The following ZKSCAN1 variants were observed in gnomAD, a reference collection of about 807,000 sequenced individuals.
ZKSCAN1 encodes the protein zinc finger with KRAB and SCAN domains 1, also known as zinc finger protein with KRAB and SCAN domains 1.
A neutral mutation model predicts 51.6 loss-of-function variants in ZKSCAN1; 14 were observed. That is an observed-to-expected ratio of 0.27 (90% CI 0.18 to 0.42). The LOEUF is 0.42. Among genes scored for constraint, ZKSCAN1 ranks in the 10% least tolerant of loss-of-function variants. The pLI, the probability that ZKSCAN1 is intolerant of heterozygous loss-of-function variation, is 1.00. For missense variants in ZKSCAN1, 531 were observed against 710.0 expected (o/e 0.75, Z 2.86); for synonymous variants, 263 against 261.5 (o/e 1.01, Z -0.06).
intron 3 of ZKSCAN1, among the ~76,000 whole-genome samples, chr7:100,026,582 C>T (rs892074992): frequency 3.9e-5 from 6 of 151,960 alleles, no homozygotes; most frequent in Non-Finnish European, 7.4e-5. Context: ...AAAAATTAGC[C>T]AGGCGTGGTG....
downstream of ZKSCAN1, among the ~76,000 whole-genome samples, chr7:100,043,564 G>A (rs1012921254): frequency 5.3e-5 from 8 of 151,248 alleles, no homozygotes; most frequent in African/African-American, 1.9e-4. Context: ...TGCAGAGACA[G>A]GGTCTTGCTA....
In ZKSCAN1 at chr7:100,036,052, T is replaced by A; in HGVS notation, c.*1855T>A. 3.0e-6 allele frequency: 3 copies of A among 985,426 alleles called. No individual in the cohort carries two copies. Among genetic ancestry groups the A allele is most frequent in the Non-Finnish European group, 3.6e-6 (3 of 829,922 alleles). 61.0% of individuals were successfully genotyped at this position (985,426 alleles called of 1,614,324 possible). On this transcript the variant is annotated 3_prime_UTR_variant, in exon 6 of 6. Coordinates refer to ENST00000324306, the MANE Select transcript of ZKSCAN1 (RefSeq NM_003439.4). ...TTATACTAAAACTATTACTCATCAG[T>A]CATTCACTGATCAGCAGCTAAAGTC...
chr7:100,028,783 A>G (rs1425998094), intron 3 of ZKSCAN1, among the ~76,000 whole-genome samples: 1 of 144,754 alleles, frequency 6.9e-6, no homozygotes, highest in Non-Finnish European at 1.5e-5. Context: ...TGAACCATGC[A>G]TACATCTTAT....
Position 100,023,678 on chromosome 7 carries a change from C to G in ZKSCAN1, c.172C>G (p.Arg58Gly). 6.2e-7 allele frequency: 1 copy of G among 1,614,188 alleles called. No individual in the cohort carries two copies. Among genetic ancestry groups the G allele is most frequent in the Middle Eastern group, 1.7e-4 (1 of 6,036 alleles). ...PPPDPEIFRQ[R>G]FRRFCYQNTF... is the part of the protein sequence containing the mutation. The stretch of plus-strand genomic sequence containing the variant: ...TCCAGACCCAGAGATATTCCGCCAA[C>G]GCTTCAGGCGCTTCTGTTACCAGAA... The change falls in exon 2 of 6, where the codon CGC (arginine) becomes GGC (glycine). Residue 58 changes from arginine (R) to glycine (G), a missense_variant. By Grantham distance (125) the Arg-to-Gly change is moderately radical. Around this residue, in one of 2 missense-constraint regions of ZKSCAN1, gnomAD observed 403 missense variants for 490.5 expected, o/e 0.82. Transcript: ENST00000324306.
chr7:100,037,995 T>C lies in ZKSCAN1; in HGVS notation c.*3798T>C. 2.0e-6 allele frequency: 2 copies of C among 983,078 alleles called. No homozygotes were observed. Among genetic ancestry groups the C allele is most frequent in the Non-Finnish European group, 2.4e-6 (2 of 827,928 alleles). The allele number at this position is 983,078 out of a possible 1,614,324, so 60.9% of individuals were successfully genotyped here. A position where few individuals can be genotyped will look rare whatever the true frequency, so the allele number is the denominator to read the frequency against. On this transcript the variant is annotated 3_prime_UTR_variant, in exon 6 of 6. Transcript: ENST00000324306. The stretch of plus-strand genomic sequence containing the variant: ...AGATCATGCCACTGGCACTCCAGCC[T>C]TGAGTGACAGAGCGAGGCTCTGTAT...
chr7:100,025,448 TATAA>T (rs2115868364), intron 3 of ZKSCAN1, among the ~76,000 whole-genome samples: 1 of 152,232 alleles, frequency 6.6e-6, no homozygotes, highest in South Asian at 2.1e-4. Context: ...TTCACAGTCA[TATAA>T]ATAAAAAGTC....
chr7:100,026,389 G>C (rs1488059850), intron 3 of ZKSCAN1, among the ~76,000 whole-genome samples: 1 of 152,034 alleles, frequency 6.6e-6, no homozygotes, highest in Non-Finnish European at 1.5e-5. Flanking sequence ...TAGAAACACT[G>C]TACACTTAGG....
chr7:100,029,886 A>G lies in ZKSCAN1; in HGVS notation c.606A>G (p.Ala202=), dbSNP rs1791030720. The G allele has an allele frequency of 1.9e-6, 3 of 1,613,788 alleles. No individual in the cohort carries two copies. The highest frequency in any genetic ancestry group is 2.5e-6 in the Non-Finnish European group (3 of 1,179,926). Reference sequence around the variant, plus strand: ...CTCTTCCTGCTGCCCACATTCCTGCACCCCCTCATGAGGGTAGTCCCAGAG... The same window carrying G: ...CTCTTCCTGCTGCCCACATTCCTGCGCCCCCTCATGAGGGTAGTCCCAGAG... ...SRALPAAHIP[A]PPHEGSPRDQ... The change falls in exon 4 of 6, where the codon GCA becomes GCG. Residue 202 remains alanine, a synonymous_variant. Coordinates refer to ENST00000324306, the MANE Select transcript of ZKSCAN1 (RefSeq NM_003439.4).
In ZKSCAN1 at chr7:100,040,156, T is replaced by A; in HGVS notation, c.*5959T>A. Reference sequence around the variant, plus strand: ...CAACTCTGCAGGTCAAACGAAAGTTTGGGAAATACTTTTGACATCCCACAA... The same window carrying A: ...CAACTCTGCAGGTCAAACGAAAGTTAGGGAAATACTTTTGACATCCCACAA... On this transcript the variant is annotated 3_prime_UTR_variant, in exon 6 of 6. Coordinates refer to ENST00000324306, the MANE Select transcript of ZKSCAN1 (RefSeq NM_003439.4). 1 of 985,352 alleles carries A rather than the reference T, an allele frequency of 1.0e-6. No homozygotes were observed. The highest frequency in any genetic ancestry group is 1.2e-6 in the Non-Finnish European group (1 of 829,844). The allele number at this position is 985,352 out of a possible 1,614,324, so 61.0% of individuals were successfully genotyped here. A position where few individuals can be genotyped will look rare whatever the true frequency, so the allele number is the denominator to read the frequency against.
At position 100,028,788 on chromosome 7, in the gene ZKSCAN1, T is replaced by G. The variant is rs1488847272; in HGVS notation, c.581-1073T>G. ...TCTCAGCATTTGAACCATGCATACATCTTATCAAAAAAAAAAAAAAAAAAC... is the reference window on the plus strand; with the variant it reads ...TCTCAGCATTTGAACCATGCATACAGCTTATCAAAAAAAAAAAAAAAAAAC... On this transcript the variant is annotated intron_variant, in intron 3 of 5. Coordinates refer to ENST00000324306, the MANE Select transcript of ZKSCAN1 (RefSeq NM_003439.4). Among the ~76,000 whole-genome samples, 77 of 130,646 alleles carry G rather than the reference T, an allele frequency of 5.9e-4. 1 individual carries two copies. Among genetic ancestry groups the G allele is most frequent in the Non-Finnish European group, 3.2e-5 (2 of 62,128 alleles). 85.7% of individuals were successfully genotyped at this position (130,646 alleles called of 152,430 possible).
downstream of ZKSCAN1, chr7:100,044,844 G>T: frequency 1.0e-6 from 1 of 985,270 alleles, no homozygotes; most frequent in Non-Finnish European, 1.2e-6. Context: ...GAAGAAAAAG[G>T]ACATGTTCGG....
rs758248685 is a variant in ZKSCAN1 at position 100,034,621 on chromosome 7, C to A, written c.*424C>A. The A allele has an allele frequency of 8.4e-6, 8 of 954,420 alleles. No homozygotes were observed. Among genetic ancestry groups the A allele is most frequent in the Non-Finnish European group, 1.0e-5 (8 of 799,430 alleles). 59.1% of individuals were successfully genotyped at this position (954,420 alleles called of 1,614,324 possible). On this transcript the variant is annotated 3_prime_UTR_variant, in exon 6 of 6. Transcript: ENST00000324306. The stretch of plus-strand genomic sequence containing the variant: ...AAACAAGCCCTACTTTGGCCAACAT[C>A]CTGCTTATTTCTCAAAAAAGAGGGA...
intron 3 of ZKSCAN1, among the ~76,000 whole-genome samples, chr7:100,026,280 C>A (rs1281082370): frequency 6.8e-6 from 1 of 147,092 alleles, no homozygotes; most frequent in African/African-American, 2.5e-5. Context: ...AACACTTAAC[C>A]ATGACTGGAG....
In ZKSCAN1 at chr7:100,036,917, T is replaced by C; in HGVS notation, c.*2720T>C. On this transcript the variant is annotated 3_prime_UTR_variant, in exon 6 of 6. Transcript: ENST00000324306. ...GTTTTGTTTTTAAATGAAGGTTAAA[T>C]GTGACCTGTGCCCTCACATTTAATT... 1 of 985,182 alleles carries C rather than the reference T, an allele frequency of 1.0e-6. No homozygotes were observed. The highest frequency in any genetic ancestry group is 1.7e-5 in the African/African-American group (1 of 57,298). The allele number at this position is 985,182 out of a possible 1,614,324, so 61.0% of individuals were successfully genotyped here.
chr7:100,023,203 G>T (rs1388784732), intron 1 of ZKSCAN1, among the ~76,000 whole-genome samples: 2 of 152,034 alleles, frequency 1.3e-5, no homozygotes, highest in Non-Finnish European at 2.9e-5. Context: ...TAGAGACGGG[G>T]TTTCACCATG....
chr7:100,037,138 G>A lies in ZKSCAN1; in HGVS notation c.*2941G>A. On this transcript the variant is annotated 3_prime_UTR_variant, in exon 6 of 6. Transcript: ENST00000324306. ...TCAGTGCAAAGTGTAATTGGGTCAT[G>A]GTCAAAAACGCTTGCAACATCTAAT... is the stretch of plus-strand genomic sequence containing the variant. 1 of 985,430 alleles carries A rather than the reference G, an allele frequency of 1.0e-6. No individual in the cohort carries two copies. The highest frequency in any genetic ancestry group is 1.2e-6 in the Non-Finnish European group (1 of 829,928). 61.0% of individuals were successfully genotyped at this position (985,430 alleles called of 1,614,324 possible).
At position 100,038,822 on chromosome 7, in the gene ZKSCAN1, C is replaced by T. The variant is rs1142569; in HGVS notation, c.*4625C>T. On this transcript the variant is annotated 3_prime_UTR_variant, in exon 6 of 6. Transcript: ENST00000324306. ...CATCCTGGCTAACATGGCGAAACCC[C>T]GTCTCTACTAAAAATACAAAAAAAT... The T allele has an allele frequency of 3.6e-5, 27 of 744,396 alleles. No homozygotes were observed. In the East Asian group the frequency reaches 2.1e-3, roughly 57 times the overall value. The allele number at this position is 744,396 out of a possible 1,614,324, so 46.1% of individuals were successfully genotyped here.
chr7:100,028,301 G>A (rs141499536), intron 3 of ZKSCAN1, among the ~76,000 whole-genome samples: 1,846 of 152,002 alleles, frequency 0.012, 40 homozygotes, highest in African/African-American at 0.042. Flanking sequence ...GCAGTGAGCC[G>A]AGATCGCGCC....
intron 3 of ZKSCAN1, among the ~76,000 whole-genome samples, chr7:100,029,455 C>T (rs937785370): frequency 2.0e-4 from 30 of 152,120 alleles, no homozygotes; most frequent in Non-Finnish European, 3.7e-4. Context: ...ATCCTGGTAT[C>T]GTTCCTTGGA....
Sources: allele counts gnomAD v4.1 joint callset (sites outside exome capture counted in the v4.1 genomes callset), GRCh38; gene constraint gnomAD v4.1.1; regional missense constraint gnomAD v4.1.1; transcripts MANE v1.5; gene names NCBI Gene and HGNC (gene_info 2026-07-23, HGNC 2026-07-21).